GDPD5: variants seen among roughly 807,000 people sequenced by gnomAD.
GDPD5 encodes the protein glycerophosphodiester phosphodiesterase 2.
A neutral mutation model predicts 75.1 loss-of-function variants in GDPD5; 48 were observed. That is an observed-to-expected ratio of 0.64 (90% CI 0.51 to 0.81). The LOEUF (loss-of-function observed/expected upper bound fraction) is 0.81. Ranked by LOEUF, GDPD5 falls within the 40% of genes least tolerant of loss-of-function variation. The pLI, the probability that GDPD5 is intolerant of heterozygous loss-of-function variation, is 0.00. For missense variants in GDPD5, 706 were observed against 822.6 expected, an observed-to-expected ratio of 0.86 and a Z score of 1.73; for synonymous variants, 336 against 339.0, an observed-to-expected ratio of 0.99 and a Z score of 0.10.
intron 16 of GDPD5, 91 bp from the exon 17 acceptor site, chr11:75,435,746 G>T: frequency 1.5e-6 from 2 of 1,346,372 alleles, no homozygotes; most frequent in East Asian, 4.8e-5. Context: ...GCACCACCCA[G>T]CGGGGCACTT....
At chr11:75,436,900 C>A in intron 16 of GDPD5, 36 bp downstream of exon 16, 1 of 1,530,234 alleles carries the variant, frequency 6.5e-7, no homozygotes. Flanking sequence ...AAGCTGGGCC[C>A]AGGGCCTGCC....
chr11:75,501,741 G>C (rs1304140575), intron 1 of GDPD5, among the ~76,000 whole-genome samples: 1 of 152,158 alleles, frequency 6.6e-6, no homozygotes, highest in East Asian at 1.9e-4. Context: ...AGACAGGGCT[G>C]GGGGCAGAGG....
At chr11:75,503,889 C>T (rs1950342250) in intron 1 of GDPD5, among the ~76,000 whole-genome samples, 1 of 152,250 alleles carries the variant, frequency 6.6e-6, no homozygotes, top group Admixed American at 6.5e-5. Flanking sequence ...CTGCCTCCCC[C>T]AGCCCTGAAT....
chr11:75,442,610 T>A, intron 11 of GDPD5, 29 bp from the exon 12 acceptor site: 2 of 1,606,050 alleles, frequency 1.2e-6, no homozygotes, highest in Non-Finnish European at 1.7e-6. Flanking sequence ...CACACATGGC[T>A]GCATCATCAG....
chr11:75,462,769 CCACT>C lies in GDPD5; in HGVS notation c.221+13_221+16del. On this transcript the variant is annotated intron_variant, in intron 4 of 16. Transcript: ENST00000336898. ...AGCTCTGGGCCCCTTCCTCCCCCACCCACTGCCCCTACTCACCAGTTGAATTCAT... is the reference window on the plus strand; with the variant it reads ...AGCTCTGGGCCCCTTCCTCCCCCACCGCCCCTACTCACCAGTTGAATTCAT... The C allele has an allele frequency of 6.3e-7, 1 of 1,596,684 alleles. No homozygotes were observed. The highest frequency in any genetic ancestry group is 1.1e-5 in the South Asian group (1 of 90,408).
chr11:75,471,737 G>A (rs928200579), intron 3 of GDPD5, among the ~76,000 whole-genome samples: 12 of 152,142 alleles, frequency 7.9e-5, no homozygotes, highest in African/African-American at 2.4e-4. Context: ...CCCCTGGAGC[G>A]TGACGTGGTC....
chr11:75,440,578 T>A (rs1284689848), intron 14 of GDPD5, among the ~76,000 whole-genome samples: 3 of 152,202 alleles, frequency 2.0e-5, no homozygotes, highest in African/African-American at 7.2e-5. Context: ...TTTATTTTTA[T>A]TTTTTGAGAC....
chr11:75,443,260 T>C lies in GDPD5; in HGVS notation c.824A>G (p.His275Arg). 6.2e-7 allele frequency: 1 copy of C among 1,610,656 alleles called. No homozygotes were observed. The highest frequency in any genetic ancestry group is 8.5e-7 in the Non-Finnish European group (1 of 1,178,974). Residue 275 changes from histidine to arginine, a missense_variant, in exon 11 of 17, where the codon CAT (histidine) becomes CGT (arginine). By Grantham distance (29) the His-to-Arg change is conservative. Coordinates refer to ENST00000336898, the MANE Select transcript of GDPD5 (RefSeq NM_030792.8). ...GGTGGTGCGCCGCAGGGTGGTGTCA[T>C]GCATGAGGAAGGGCACGCCGTCCAG... is the stretch of plus-strand genomic sequence containing the variant. ...ISLDGVPFLM[H>R]DTTLRRTTNV...
intron 6 of GDPD5, chr11:75,455,461 C>T (rs1949265530): frequency 2.3e-6 from 1 of 434,818 alleles, no homozygotes; most frequent in Non-Finnish European, 4.7e-6. Flanking sequence ...AAGCTCCAGG[C>T]CCATGTAACA....
At chr11:75,518,028 G>GC (rs1392953907) in intron 1 of GDPD5, among the ~76,000 whole-genome samples, 2 of 152,172 alleles carry the variant, frequency 1.3e-5, no homozygotes, top group Admixed American at 1.3e-4. Flanking sequence ...AGTGGGAAGG[G>GC]CCCCCGGGCT....
At chr11:75,436,834 A>C in intron 16 of GDPD5, 102 bp downstream of exon 16, 1 of 831,782 alleles carries the variant, frequency 1.2e-6, no homozygotes, top group Non-Finnish European at 2.0e-6. Context: ...CCCTACCCAT[A>C]TGTGCCACAT....
intron 1 of GDPD5, among the ~76,000 whole-genome samples, chr11:75,491,484 C>T (rs1950108587): frequency 2.0e-5 from 3 of 152,176 alleles, no homozygotes; most frequent in Admixed American, 2.0e-4. Context: ...AAAATGTGGT[C>T]TGACTCAGTT....
chr11:75,491,281 C>T (rs1472166004), intron 1 of GDPD5, among the ~76,000 whole-genome samples: 1 of 152,224 alleles, frequency 6.6e-6, no homozygotes, highest in Non-Finnish European at 1.5e-5. Context: ...CCTCACAGTG[C>T]CCTGAATGTA....
At chr11:75,466,676 A>T (rs1201346132) in intron 3 of GDPD5, among the ~76,000 whole-genome samples, 1 of 152,168 alleles carries the variant, frequency 6.6e-6, no homozygotes, top group Non-Finnish European at 1.5e-5. Flanking sequence ...TGGCTGAGCA[A>T]GTTGTGCACT....
At chr11:75,440,539 GAGC>G (rs1369699512) in intron 14 of GDPD5, among the ~76,000 whole-genome samples, 1 of 152,132 alleles carries the variant, frequency 6.6e-6, no homozygotes, top group Non-Finnish European at 1.5e-5. Context: ...GCTGTTCTCT[GAGC>G]AGATTTTAAT....
intron 6 of GDPD5, chr11:75,455,120 GCTTC>G: frequency 3.0e-6 from 1 of 336,628 alleles, no homozygotes; most frequent in South Asian, 2.4e-5. Context: ...AATGGGATCT[GCTTC>G]CTTGCATTGA....
At chr11:75,514,034 G>T (rs1237122020) in intron 1 of GDPD5, among the ~76,000 whole-genome samples, 1 of 152,222 alleles carries the variant, frequency 6.6e-6, no homozygotes, top group African/African-American at 2.4e-5. Flanking sequence ...TCTCATGTGG[G>T]AAAGGAGCCA....
At chr11:75,438,528 C>T (rs972418503) in intron 15 of GDPD5, 1 of 152,304 alleles carries the variant, frequency 6.6e-6, no homozygotes, top group African/African-American at 2.4e-5. Context: ...GGATGTTGGT[C>T]AACTGGGCGG....
chr11:75,443,865 A>G (rs1948905807), intron 10 of GDPD5, among the ~76,000 whole-genome samples: 1 of 152,186 alleles, frequency 6.6e-6, no homozygotes, highest in African/African-American at 2.4e-5. Context: ...GAAAGTTGTG[A>G]TAAACACACA....
Sources: gnomAD v4.1 joint callset for allele counts (sites outside exome capture counted in the v4.1 genomes callset) on GRCh38, gnomAD v4.1.1 for gene constraint, MANE v1.5 for transcripts, NCBI Gene and HGNC (gene_info 2026-07-23, HGNC 2026-07-21) for gene names.